TMEM30A: variants seen among roughly 807,000 people sequenced by gnomAD.
TMEM30A encodes cell division cycle 50 P4-ATPase accessory subunit A.
In TMEM30A, 24 loss-of-function variants were observed where a neutral mutation model predicts 38.2. The ratio of observed to expected loss-of-function variants is 0.63; its 90% CI spans 0.46 to 0.88. The LOEUF (loss-of-function observed/expected upper bound fraction) is 0.88. Ranked by LOEUF, TMEM30A falls within the 40% of genes least tolerant of loss-of-function variation. The probability of loss-of-function intolerance (pLI) is 0.00; values close to 1 mark genes in which losing one functional copy is unlikely to be tolerated. For missense variants in TMEM30A, 370 were observed against 458.6 expected (o/e 0.81, Z 1.77); for synonymous variants, 145 against 161.6 (o/e 0.90, Z 0.78).
chr6:75,265,059 T>C (rs1160957477), intron 3 of TMEM30A, among the ~76,000 whole-genome samples, 172 bp downstream of exon 3: 2 of 151,398 alleles, frequency 1.3e-5, no homozygotes, highest in Non-Finnish European at 1.5e-5. Context: ...ACTGTGCCAC[T>C]GCACTCCAGC....
At chr6:75,260,538 A>T (rs890536682) in intron 4 of TMEM30A, among the ~76,000 whole-genome samples, 1 of 152,218 alleles carries the variant, frequency 6.6e-6, no homozygotes, top group Non-Finnish European at 1.5e-5. Context: ...CTTTTCAATG[A>T]TAAAAATGAA....
intron 5 of TMEM30A, 114 bp from the exon 6 acceptor site, chr6:75,259,100 G>C: frequency 1.1e-6 from 1 of 948,018 alleles, no homozygotes. Flanking sequence ...AAGAAGCTTT[G>C]CTGCAATTTT....
chr6:75,280,585 T>C (rs1474911004), intron 1 of TMEM30A, among the ~76,000 whole-genome samples: 6 of 152,162 alleles, frequency 3.9e-5, no homozygotes, highest in Non-Finnish European at 8.8e-5. Flanking sequence ...TATCATCAAA[T>C]CGATTACAAA....
rs750140893 is a variant in TMEM30A at position 75,258,849 on chromosome 6, G to T, written c.823C>A (p.Leu275Ile). The change falls in exon 6 of 7, where the codon CTT (leucine) becomes ATT (isoleucine). Residue 275 changes from leucine to isoleucine, a missense_variant. Physicochemically the swap from Leu to Ile is conservative, Grantham distance 5. Coordinates refer to ENST00000230461, the MANE Select transcript of TMEM30A (RefSeq NM_018247.4). ...ALPTFRKLYRLIERKSDLHPT... is the reference protein window; with the variant it reads ...ALPTFRKLYRIIERKSDLHPT... ...TGTAAATCACTTTTCCTTTCTATAA[G>T]ACGATACAACTTGCGAAAAGTAGGT... 2.5e-6 allele frequency: 4 copies of T among 1,613,798 alleles called. No homozygotes were observed. The highest frequency in any genetic ancestry group is 1.3e-5 in the African/African-American group (1 of 74,906).
At position 75,267,689 on chromosome 6, in the gene TMEM30A, C is replaced by G; in HGVS notation, c.297G>C (p.Val99=). ...SPCNKCLSPD[V]TPCFCTINFT... ...AGTTAATGGTACAAAAGCAAGGTGTCACATCCGGAGATAAACATTTATTAC... is the reference window on the plus strand; with the variant it reads ...AGTTAATGGTACAAAAGCAAGGTGTGACATCCGGAGATAAACATTTATTAC... Residue 99 remains valine, a synonymous_variant, in exon 2 of 7, where the codon GTG becomes GTC. Transcript: ENST00000230461. 6.2e-7 allele frequency: 1 copy of G among 1,611,750 alleles called. No homozygotes were observed. The highest frequency in any genetic ancestry group is 8.5e-7 in the Non-Finnish European group (1 of 1,178,948).
At chr6:75,273,876 A>G (rs1772215953) in intron 1 of TMEM30A, among the ~76,000 whole-genome samples, 1 of 152,242 alleles carries the variant, frequency 6.6e-6, no homozygotes. Context: ...AACTGTGTTA[A>G]GATGTCTTGA....
At chr6:75,282,510 TA>T in intron 1 of TMEM30A, among the ~76,000 whole-genome samples, 1 of 152,204 alleles carries the variant, frequency 6.6e-6, no homozygotes, top group Non-Finnish European at 1.5e-5. Flanking sequence ...TTCATCTTAT[TA>T]TCTTAAGAAG....
chr6:75,264,050 G>A (rs1048842848), intron 3 of TMEM30A, among the ~76,000 whole-genome samples: 1 of 152,106 alleles, frequency 6.6e-6, no homozygotes, highest in Non-Finnish European at 1.5e-5. Flanking sequence ...CTAAAAATTG[G>A]ATCCTATGGA....
At chr6:75,272,752 C>T (rs1772194052) in intron 1 of TMEM30A, 1 of 152,192 alleles carries the variant, frequency 6.6e-6, no homozygotes, top group Non-Finnish European at 1.5e-5. Context: ...TTTAAAAATA[C>T]AATTACCCTG....
chr6:75,277,055 C>T (rs371372873), intron 1 of TMEM30A, among the ~76,000 whole-genome samples: 2 of 152,296 alleles, frequency 1.3e-5, no homozygotes, highest in East Asian at 3.9e-4. Flanking sequence ...TATAAACCAT[C>T]AACCCTTCCT....
At chr6:75,278,458 C>A (rs1042669649) in intron 1 of TMEM30A, among the ~76,000 whole-genome samples, 1 of 152,118 alleles carries the variant, frequency 6.6e-6, no homozygotes, top group African/African-American at 2.4e-5. Flanking sequence ...TTTCAAGAAC[C>A]TTCTTTAAAA....
chr6:75,280,023 G>A lies in TMEM30A; in HGVS notation c.237+4379C>T, dbSNP rs898677275. 3.8e-4 allele frequency among the ~76,000 whole-genome samples: 58 copies of A among 152,096 alleles called. 1 individual carries two copies. The highest frequency in any genetic ancestry group is 1.2e-3 in the African/African-American group (51 of 41,422). On this transcript the variant is annotated intron_variant, in intron 1 of 6. Transcript: ENST00000230461. ...TAAATGATTTATCTGAAGTCTTTTC[G>A]AGAGACCTTAATGAAGACAAAAGGT...
At chr6:75,269,398 T>C (rs376697131) in intron 1 of TMEM30A, among the ~76,000 whole-genome samples, 1 of 152,240 alleles carries the variant, frequency 6.6e-6, no homozygotes, top group Non-Finnish European at 1.5e-5. Context: ...TCATACCATA[T>C]GTACCCTTTT....
chr6:75,256,057 C>G lies in TMEM30A; in HGVS notation c.*45G>C. 7.2e-7 allele frequency: 1 copy of G among 1,394,530 alleles called. No individual in the cohort carries two copies. The allele number at this position is 1,394,530 out of a possible 1,614,324, so 86.4% of individuals were successfully genotyped here. A position where few individuals can be genotyped will look rare whatever the true frequency, so the allele number is the denominator to read the frequency against. The stretch of plus-strand genomic sequence containing the variant: ...CATTCGAAAGCTAGGTTGAATAGGA[C>G]TGGCCTTGATGCACATGCAGATGAT... On this transcript the variant is annotated 3_prime_UTR_variant, in exon 7 of 7. Coordinates refer to ENST00000230461, the MANE Select transcript of TMEM30A (RefSeq NM_018247.4).
chr6:75,256,867 G>C (rs1771876337), intron 6 of TMEM30A: 1 of 424,860 alleles, frequency 2.4e-6, no homozygotes, highest in Admixed American at 2.7e-5. Flanking sequence ...AGTGAAGGGT[G>C]GGCTGTTAAG....
At chr6:75,265,411 A>T in intron 2 of TMEM30A, 73 bp from the exon 3 acceptor site, 1 of 826,230 alleles carries the variant, frequency 1.2e-6, no homozygotes. Flanking sequence ...GTGTACATAA[A>T]AGCTACGTAA....
chr6:75,254,057 T>C lies in TMEM30A; in HGVS notation c.*2045A>G, dbSNP rs537362635. 6.6e-6 allele frequency: 1 copy of C among 152,276 alleles called. No individual in the cohort carries two copies. Among genetic ancestry groups the C allele is most frequent in the Admixed American group, 6.5e-5 (1 of 15,272 alleles). The allele number at this position is 152,276 out of a possible 1,614,324, so 9.4% of individuals were successfully genotyped here. ...ATACGAATGTTCCATACTCTTCATATTTAGCAACAGGAGTTCCTTAGAGAT... is the reference window on the plus strand; with the variant it reads ...ATACGAATGTTCCATACTCTTCATACTTAGCAACAGGAGTTCCTTAGAGAT... On this transcript the variant is annotated 3_prime_UTR_variant, in exon 7 of 7. Coordinates refer to ENST00000230461, the MANE Select transcript of TMEM30A (RefSeq NM_018247.4).
chr6:75,276,349 A>C (rs974184799), intron 1 of TMEM30A, among the ~76,000 whole-genome samples: 2 of 152,248 alleles, frequency 1.3e-5, no homozygotes, highest in African/African-American at 4.8e-5. Context: ...AGTTTATAGC[A>C]ATTTGGCCAG....
Position 75,284,773 on chromosome 6 carries a change from T to G in TMEM30A, c.-135A>C. 1.2e-6 allele frequency: 1 copy of G among 817,830 alleles called. No individual in the cohort carries two copies. The highest frequency in any genetic ancestry group is 2.0e-6 in the Non-Finnish European group (1 of 490,196). 50.7% of individuals were successfully genotyped at this position (817,830 alleles called of 1,614,324 possible). On this transcript the variant is annotated 5_prime_UTR_variant, in exon 1 of 7. Transcript: ENST00000230461. ...CACCAGCGCCACCGCCACAGCCACC[T>G]CCGCTGTAGAGCGGAAGAGGCGGGA...
Sources: gnomAD v4.1 joint callset for allele counts (sites outside exome capture counted in the v4.1 genomes callset) on GRCh38, gnomAD v4.1.1 for gene constraint, MANE v1.5 for transcripts, NCBI Gene and HGNC (gene_info 2026-07-23, HGNC 2026-07-21) for gene names.